TPRG1: variants seen among roughly 807,000 people sequenced by gnomAD.
TPRG1 encodes tumor protein p63 regulated 1.
TPRG1 carries 29 observed loss-of-function variants against 29.3 expected under a neutral mutation model. The observed-to-expected ratio is 0.99, with a 90% confidence interval of 0.74 to 1.35. TPRG1 has a LOEUF of 1.35. TPRG1 is among the 40% of genes most tolerant of loss of function. The pLI, the probability that TPRG1 is intolerant of heterozygous loss-of-function variation, is 0.00. For synonymous variants in TPRG1, 130 were observed against 116.8 expected (o/e 1.11, Z -0.73); for missense variants, 327 against 335.0 (o/e 0.98, Z 0.19).
chr3:189,256,486 T>A (rs1711908320), intron 4 of TPRG1, among the ~76,000 whole-genome samples: 1 of 152,136 alleles, frequency 6.6e-6, no homozygotes, highest in South Asian at 2.1e-4. Context: ...ATACTGTTGA[T>A]TTGGGGTGGA....
At chr3:189,080,178 G>A (rs79327330) in intron 4 of TPRG1, among the ~76,000 whole-genome samples, 2,074 of 152,266 alleles carry the variant, frequency 0.014, 45 homozygotes, top group African/African-American at 0.045. Context: ...TTTGGACAGC[G>A]AAACAGAAAT....
intron 3 of TPRG1, among the ~76,000 whole-genome samples, chr3:189,218,800 T>C (rs1396784330): frequency 6.6e-6 from 1 of 152,192 alleles, no homozygotes; most frequent in Non-Finnish European, 1.5e-5. Context: ...TTCTAATTCT[T>C]TCCAAAGATG....
intron 1 of TPRG1, among the ~76,000 whole-genome samples, chr3:189,197,356 GC>G (rs1424896671): frequency 6.6e-6 from 1 of 152,096 alleles, no homozygotes. Flanking sequence ...CTTTAGCCTT[GC>G]GTGTTGCTCT....
chr3:189,315,576 C>A (rs1222191620), intron 5 of TPRG1: 2 of 443,896 alleles, frequency 4.5e-6, no homozygotes, highest in Non-Finnish European at 4.5e-6. Context: ...TGCCCTACAA[C>A]CATCATGATC....
intron 2 of TPRG1, among the ~76,000 whole-genome samples, chr3:189,208,697 G>A (rs1352793398): frequency 1.3e-5 from 2 of 152,118 alleles, no homozygotes; most frequent in Admixed American, 1.3e-4. Flanking sequence ...TAGAGCATAT[G>A]GTTTGTTTTC....
At chr3:189,282,752 A>G (rs1405738709) in intron 4 of TPRG1, among the ~76,000 whole-genome samples, 1 of 152,202 alleles carries the variant, frequency 6.6e-6, no homozygotes, top group Non-Finnish European at 1.5e-5. Flanking sequence ...ATAAAACCAC[A>G]ATCCACTAAG....
At chr3:189,204,945 T>A (rs866529920) in intron 1 of TPRG1, among the ~76,000 whole-genome samples, 11 of 92,694 alleles carry the variant, frequency 1.2e-4, no homozygotes, top group African/African-American at 3.3e-4. Flanking sequence ...TCTCTCTCTC[T>A]CTCACACACA....
intron 4 of TPRG1, among the ~76,000 whole-genome samples, chr3:189,261,583 A>G (rs1178952852): frequency 6.6e-6 from 1 of 152,182 alleles, no homozygotes; most frequent in Non-Finnish European, 1.5e-5. Flanking sequence ...TGTACGACAG[A>G]GTGGCAAGAC....
chr3:189,207,694 G>C, intron 2 of TPRG1, 100 bp downstream of exon 2: 1 of 1,122,270 alleles, frequency 8.9e-7, no homozygotes, highest in Non-Finnish European at 1.3e-6. Context: ...ACTCACATTT[G>C]TCTCATGTAA....
chr3:189,130,736 C>T (rs1393492320), intron 2 of TPRG1, among the ~76,000 whole-genome samples: 1 of 152,166 alleles, frequency 6.6e-6, no homozygotes, highest in Non-Finnish European at 1.5e-5. Flanking sequence ...GTACCAATGT[C>T]TGTTAAAAAA....
At chr3:189,078,107 T>C (rs61711441) in intron 4 of TPRG1, among the ~76,000 whole-genome samples, 2,834 of 122,230 alleles carry the variant, frequency 0.023, 46 homozygotes, top group East Asian at 0.11. Flanking sequence ...CTTTCTTTCT[T>C]TCTTTCTTTC....
upstream of TPRG1, among the ~76,000 whole-genome samples, chr3:189,168,409 G>A (rs1393648436): frequency 6.6e-6 from 1 of 152,156 alleles, no homozygotes; most frequent in Non-Finnish European, 1.5e-5. Context: ...TAGCTGTGAG[G>A]CCTTGTAGGG....
chr3:189,169,416 C>T (rs1003471351), upstream of TPRG1, among the ~76,000 whole-genome samples: 1 of 152,192 alleles, frequency 6.6e-6, no homozygotes, highest in Non-Finnish European at 1.5e-5. Context: ...CCGCTCACCT[C>T]GGCCTCCCAA....
intron 3 of TPRG1, among the ~76,000 whole-genome samples, chr3:189,005,521 A>AT (rs1412000976): frequency 6.6e-6 from 1 of 152,156 alleles, no homozygotes; most frequent in Non-Finnish European, 1.5e-5. Context: ...AAAGTTGAAT[A>AT]TTTAGTAATT....
intron 4 of TPRG1, among the ~76,000 whole-genome samples, chr3:189,052,928 TG>T (rs903354127): frequency 5.9e-5 from 9 of 152,116 alleles, no homozygotes; most frequent in African/African-American, 2.4e-5. Context: ...TTTGGGGACT[TG>T]GGGGGAAGAG....
At chr3:189,043,908 C>T (rs915999805) in intron 4 of TPRG1, among the ~76,000 whole-genome samples, 6 of 152,098 alleles carry the variant, frequency 3.9e-5, no homozygotes, top group Non-Finnish European at 7.4e-5. Flanking sequence ...CTATGAATAA[C>T]GAGTGCCATC....
intron 5 of TPRG1, among the ~76,000 whole-genome samples, chr3:189,164,629 CTT>C (rs11293749): frequency 2.5e-4 from 38 of 150,764 alleles, no homozygotes; most frequent in Middle Eastern, 3.4e-3. Context: ...AAAAGCTTCC[CTT>C]TTTTTTAAAA....
At chr3:189,104,086 C>T (rs1315363851) in intron 1 of TPRG1, among the ~76,000 whole-genome samples, 1 of 152,066 alleles carries the variant, frequency 6.6e-6, no homozygotes, top group Non-Finnish European at 1.5e-5. Context: ...AGGTACTGTT[C>T]CCAGAATAAG....
intron 4 of TPRG1, among the ~76,000 whole-genome samples, chr3:189,071,558 A>AT (rs754961600): frequency 2.6e-5 from 4 of 152,144 alleles, no homozygotes; most frequent in Non-Finnish European, 5.9e-5. Flanking sequence ...CACACATGCA[A>AT]TTGAAAGAGG....
Sources: allele counts gnomAD v4.1 joint callset (sites outside exome capture counted in the v4.1 genomes callset), GRCh38; gene constraint gnomAD v4.1.1; transcripts MANE v1.5; gene names NCBI Gene and HGNC (gene_info 2026-07-23, HGNC 2026-07-21).